The following ZNF804A variants were observed in gnomAD, a reference collection of about 807,000 sequenced individuals.
ZNF804A encodes zinc finger protein 804A.
In ZNF804A, 2 loss-of-function variants were observed where a neutral mutation model predicts 16.5. The ratio of observed to expected loss-of-function variants is 0.12; its 90% CI spans 0.05 to 0.38. The LOEUF (loss-of-function observed/expected upper bound fraction) is 0.38, where lower values mean the gene tolerates loss of function less well. Among genes scored for constraint, ZNF804A ranks in the 10% least tolerant of loss-of-function variants. The pLI is 0.99. For missense variants in ZNF804A, 1,473 were observed against 1,390.7 expected (o/e 1.06, Z -0.94); for synonymous variants, 534 against 489.6 (o/e 1.09, Z -1.20).
chr2:184,887,983 T>A (rs1201905823), intron 2 of ZNF804A, among the ~76,000 whole-genome samples: 1 of 152,068 alleles, frequency 6.6e-6, no homozygotes, highest in East Asian at 1.9e-4. Flanking sequence ...GAGTGGAGGT[T>A]GGGAGTACGG....
intron 2 of ZNF804A, among the ~76,000 whole-genome samples, chr2:184,883,653 A>G (rs1258975650): frequency 6.6e-6 from 1 of 152,146 alleles, no homozygotes; most frequent in African/African-American, 2.4e-5. Flanking sequence ...AACAAATGTA[A>G]GTCAATAAAT....
At chr2:184,680,194 T>C (rs997698488) in intron 1 of ZNF804A, among the ~76,000 whole-genome samples, 1 of 151,826 alleles carries the variant, frequency 6.6e-6, no homozygotes, top group African/African-American at 2.4e-5. Flanking sequence ...GTGGGTCTTC[T>C]GTCTGACAAG....
chr2:184,776,333 A>C (rs1308467979), intron 1 of ZNF804A, among the ~76,000 whole-genome samples: 2 of 151,590 alleles, frequency 1.3e-5, no homozygotes, highest in Non-Finnish European at 3.0e-5. Flanking sequence ...GTAGAAAGAC[A>C]TTATAATGGC....
chr2:184,649,582 A>C (rs1691946810), intron 1 of ZNF804A, among the ~76,000 whole-genome samples: 1 of 152,014 alleles, frequency 6.6e-6, no homozygotes, highest in African/African-American at 2.4e-5. Context: ...AAAATGACAA[A>C]GGTGACATTA....
chr2:184,686,702 A>T (rs1042727568), intron 1 of ZNF804A, among the ~76,000 whole-genome samples: 2 of 152,178 alleles, frequency 1.3e-5, no homozygotes, highest in Admixed American at 1.3e-4. Flanking sequence ...CCCTGACAGC[A>T]TCTGTTGTTT....
At chr2:184,861,111 T>A (rs1695793906) in intron 1 of ZNF804A, among the ~76,000 whole-genome samples, 1 of 152,196 alleles carries the variant, frequency 6.6e-6, no homozygotes, top group Non-Finnish European at 1.5e-5. Flanking sequence ...TGTCCTGGAA[T>A]CTGCGGCTCT....
chr2:184,908,808 T>C (rs1249601275), intron 2 of ZNF804A, among the ~76,000 whole-genome samples: 2 of 152,126 alleles, frequency 1.3e-5, no homozygotes. Context: ...TGAGTTACGC[T>C]CAGAATGCAA....
chr2:184,607,622 A>C (rs1212357772), intron 1 of ZNF804A, among the ~76,000 whole-genome samples: 1 of 152,064 alleles, frequency 6.6e-6, no homozygotes. Context: ...GATTATGGGA[A>C]CTACAATTCA....
intron 1 of ZNF804A, among the ~76,000 whole-genome samples, chr2:184,693,398 C>T (rs1019984687): frequency 1.3e-5 from 2 of 152,162 alleles, no homozygotes; most frequent in Non-Finnish European, 2.9e-5. Context: ...ATAATTCTCA[C>T]ACCATTTGCC....
At chr2:184,877,016 T>TA (rs912262438) in intron 2 of ZNF804A, among the ~76,000 whole-genome samples, 73 of 151,970 alleles carry the variant, frequency 4.8e-4, no homozygotes, top group Non-Finnish European at 8.0e-4. Flanking sequence ...TTATATGCAT[T>TA]AAAAAAAACT....
At chr2:184,619,499 T>C (rs1158297006) in intron 1 of ZNF804A, among the ~76,000 whole-genome samples, 1 of 151,974 alleles carries the variant, frequency 6.6e-6, no homozygotes, top group African/African-American at 2.4e-5. Context: ...ACAATTACTG[T>C]AAGGCTAAGA....
intron 1 of ZNF804A, among the ~76,000 whole-genome samples, chr2:184,740,545 T>G (rs1693695803): frequency 6.6e-6 from 1 of 152,194 alleles, no homozygotes; most frequent in South Asian, 2.1e-4. Context: ...TATCTTTCCC[T>G]GTGATTAAAT....
At chr2:184,754,901 G>A (rs961437836) in intron 1 of ZNF804A, among the ~76,000 whole-genome samples, 1 of 151,876 alleles carries the variant, frequency 6.6e-6, no homozygotes, top group African/African-American at 2.4e-5. Flanking sequence ...CAGCAGGAGA[G>A]AGAGAGAAGA....
At chr2:184,706,485 A>G (rs950889431) in intron 1 of ZNF804A, among the ~76,000 whole-genome samples, 2 of 152,188 alleles carry the variant, frequency 1.3e-5, no homozygotes, top group Admixed American at 1.3e-4. Flanking sequence ...GGGTGTGATC[A>G]TGTATATACC....
intron 2 of ZNF804A, among the ~76,000 whole-genome samples, chr2:184,911,830 C>T (rs768838110): frequency 4.6e-5 from 7 of 151,908 alleles, no homozygotes; most frequent in Non-Finnish European, 1.0e-4. Flanking sequence ...TTTTGTTCTG[C>T]ATTTTATTTC....
chr2:184,704,624 G>A (rs546059335), intron 1 of ZNF804A, among the ~76,000 whole-genome samples: 4 of 152,316 alleles, frequency 2.6e-5, no homozygotes, highest in African/African-American at 9.6e-5. Flanking sequence ...ATTAAAAAGA[G>A]TTAAGAGGTT....
chr2:184,868,781 G>T (rs1260052341), intron 2 of ZNF804A, among the ~76,000 whole-genome samples: 2 of 151,924 alleles, frequency 1.3e-5, no homozygotes, highest in East Asian at 3.9e-4. Flanking sequence ...AGACATTTCA[G>T]CTTGCTGCTA....
At chr2:184,683,118 G>T (rs1283975611) in intron 1 of ZNF804A, among the ~76,000 whole-genome samples, 1 of 152,056 alleles carries the variant, frequency 6.6e-6, no homozygotes, top group Admixed American at 6.6e-5. Flanking sequence ...TTGAATTGCA[G>T]TATCTATTTT....
chr2:184,610,054 A>G (rs1301991325), intron 1 of ZNF804A, among the ~76,000 whole-genome samples: 2 of 152,146 alleles, frequency 1.3e-5, no homozygotes, highest in Non-Finnish European at 2.9e-5. Flanking sequence ...TCATAGGTTG[A>G]TAGATTAATG....
Sources: gnomAD v4.1 joint callset for allele counts (sites outside exome capture counted in the v4.1 genomes callset) on GRCh38, gnomAD v4.1.1 for gene constraint, MANE v1.5 for transcripts, NCBI Gene and HGNC (gene_info 2026-07-23, HGNC 2026-07-21) for gene names.